The following CFDP1 variants were observed in gnomAD, a reference collection of about 807,000 sequenced individuals.
The protein encoded by CFDP1 is heterochromatin-stabilizing protein CFDP1.
In CFDP1, 31 loss-of-function variants were observed where a neutral mutation model predicts 40.1. The observed-to-expected ratio is 0.77, with a 90% confidence interval of 0.58 to 1.04. CFDP1 has a LOEUF of 1.04. Among genes scored for constraint, CFDP1 ranks in the 50% least tolerant of loss-of-function variants. The pLI is 0.00. For synonymous variants in CFDP1, 167 were observed against 120.0 expected, an observed-to-expected ratio of 1.39 and a Z score of -2.56; for missense variants, 423 against 343.4, an observed-to-expected ratio of 1.23 and a Z score of -1.83.
At chr16:75,381,396 T>C (rs1398929231) in intron 5 of CFDP1, 1 of 152,058 alleles carries the variant, frequency 6.6e-6, no homozygotes, top group African/African-American at 2.4e-5. Context: ...GAGGGGGATA[T>C]GAATGAATAC....
At chr16:75,320,206 TAGG>T (rs2078352465) in intron 5 of CFDP1, among the ~76,000 whole-genome samples, 1 of 152,206 alleles carries the variant, frequency 6.6e-6, no homozygotes, top group Non-Finnish European at 1.5e-5. Flanking sequence ...TCCCTACTGC[TAGG>T]AGATGTATGA....
At chr16:75,368,226 C>T (rs984120041) in intron 5 of CFDP1, among the ~76,000 whole-genome samples, 6 of 152,172 alleles carry the variant, frequency 3.9e-5, no homozygotes, top group African/African-American at 1.4e-4. Context: ...TGACTAAATA[C>T]TGGATATCAA....
intron 5 of CFDP1, among the ~76,000 whole-genome samples, chr16:75,364,838 A>G (rs2078703302): frequency 6.6e-6 from 1 of 152,232 alleles, no homozygotes; most frequent in African/African-American, 2.4e-5. Flanking sequence ...TGGAGTCTTC[A>G]ATCATTGATA....
chr16:75,399,411 A>T (rs1004044888), intron 4 of CFDP1, among the ~76,000 whole-genome samples: 8 of 152,238 alleles, frequency 5.3e-5, no homozygotes, highest in African/African-American at 1.9e-4. Flanking sequence ...TACATATAGT[A>T]ATCTGAACAC....
intron 3 of CFDP1, among the ~76,000 whole-genome samples, 176 bp from the exon 4 acceptor site, chr16:75,412,128 C>T (rs1313421512): frequency 6.6e-6 from 1 of 152,186 alleles, no homozygotes. Context: ...AGCGATTCTC[C>T]TTGCTTCAGC....
chr16:75,363,623 T>C (rs1036121978), intron 5 of CFDP1, among the ~76,000 whole-genome samples: 1 of 152,052 alleles, frequency 6.6e-6, no homozygotes, highest in African/African-American at 2.4e-5. Context: ...CTCAAACACC[T>C]GACCTCAAAT....
chr16:75,356,902 G>GCTTT (rs369482458), intron 5 of CFDP1, among the ~76,000 whole-genome samples: 5 of 129,042 alleles, frequency 3.9e-5, no homozygotes, highest in African/African-American at 8.4e-5. Flanking sequence ...GGAAACAGCT[G>GCTTT]CTTTCTTTCT....
chr16:75,420,960 T>C (rs981887479), intron 1 of CFDP1, among the ~76,000 whole-genome samples: 1 of 152,224 alleles, frequency 6.6e-6, no homozygotes, highest in Non-Finnish European at 1.5e-5. Context: ...AGGCAAATGT[T>C]GTAGACAGTT....
chr16:75,412,894 A>T, intron 2 of CFDP1, 140 bp from the exon 3 acceptor site: 1 of 580,216 alleles, frequency 1.7e-6, no homozygotes, highest in South Asian at 2.6e-5. Flanking sequence ...TGAAGTGAGT[A>T]GAAGAGTTAA....
chr16:75,333,309 G>C (rs1049675743), intron 5 of CFDP1, among the ~76,000 whole-genome samples: 1 of 151,480 alleles, frequency 6.6e-6, no homozygotes, highest in Non-Finnish European at 1.5e-5. Context: ...ATTTTTAGTA[G>C]AGACGGGGTT....
At chr16:75,429,988 A>C (rs2079390920) in intron 1 of CFDP1, among the ~76,000 whole-genome samples, 1 of 152,194 alleles carries the variant, frequency 6.6e-6, no homozygotes, top group Non-Finnish European at 1.5e-5. Context: ...ATGAGACATC[A>C]ATCAAATACA....
chr16:75,394,321 T>G (rs892611012), intron 5 of CFDP1, among the ~76,000 whole-genome samples: 1 of 152,244 alleles, frequency 6.6e-6, no homozygotes, highest in African/African-American at 2.4e-5. Flanking sequence ...GAATTTTTAC[T>G]TCTTCCAAAA....
chr16:75,315,285 T>A (rs1261998581), intron 5 of CFDP1, among the ~76,000 whole-genome samples: 1 of 116,452 alleles, frequency 8.6e-6, no homozygotes, highest in South Asian at 2.9e-4. Context: ...TGAGCAGAGA[T>A]CATGCCACTA....
intron 1 of CFDP1, among the ~76,000 whole-genome samples, chr16:75,415,939 GC>G (rs1376791530): frequency 6.6e-6 from 1 of 152,064 alleles, no homozygotes; most frequent in Non-Finnish European, 1.5e-5. Context: ...TACAACCTCT[GC>G]CTCCCAAGTT....
chr16:75,370,752 C>T (rs2078745803), intron 5 of CFDP1, among the ~76,000 whole-genome samples: 1 of 152,128 alleles, frequency 6.6e-6, no homozygotes, highest in South Asian at 2.1e-4. Context: ...ATCCCAGCTA[C>T]TTGGGAAGCT....
intron 4 of CFDP1, among the ~76,000 whole-genome samples, chr16:75,401,563 A>G (rs10431974): frequency 0.52 from 78,279 of 151,768 alleles, 21,232 homozygotes; most frequent in Admixed American, 0.64. Flanking sequence ...TAGCGCCACT[A>G]CACTCCAGTC....
chr16:75,415,783 GC>G (rs2079198579), intron 1 of CFDP1, among the ~76,000 whole-genome samples: 1 of 152,194 alleles, frequency 6.6e-6, no homozygotes, highest in South Asian at 2.1e-4. Flanking sequence ...TACTGCTGAT[GC>G]ACAACTAGGT....
intron 5 of CFDP1, among the ~76,000 whole-genome samples, chr16:75,336,954 T>C (rs1180239000): frequency 2.0e-5 from 3 of 152,244 alleles, no homozygotes; most frequent in African/African-American, 7.2e-5. Context: ...ACAGTTGCTA[T>C]GTTTATTGAT....
chr16:75,428,647 A>C (rs1023333805), intron 1 of CFDP1, among the ~76,000 whole-genome samples: 3 of 151,492 alleles, frequency 2.0e-5, no homozygotes, highest in Non-Finnish European at 4.4e-5. Context: ...AGAGAAAAAG[A>C]AGGGCGGAGA....
Sources: gnomAD v4.1 joint callset for allele counts (sites outside exome capture counted in the v4.1 genomes callset) on GRCh38, gnomAD v4.1.1 for gene constraint, MANE v1.5 for transcripts, NCBI Gene and HGNC (gene_info 2026-07-23, HGNC 2026-07-21) for gene names.